ZBTB20: variants seen among roughly 807,000 people sequenced by gnomAD.
ZBTB20 encodes the protein zinc finger and BTB domain containing 20.
Under a neutral mutation model 56.9 loss-of-function variants are expected in ZBTB20, and 9 were observed. That is an observed-to-expected ratio of 0.16 (90% CI 0.10 to 0.28). The LOEUF is 0.28. Ranked by LOEUF, ZBTB20 falls within the 10% of genes least tolerant of loss-of-function variation. The pLI is 1.00. For synonymous variants in ZBTB20, 417 were observed against 420.7 expected (o/e 0.99, Z 0.11); for missense variants, 655 against 1,003.0 (o/e 0.65, Z 4.69).
chr3:114,464,506 C>T (rs755114325), intron 7 of ZBTB20, among the ~76,000 whole-genome samples: 6 of 152,236 alleles, frequency 3.9e-5, no homozygotes, highest in African/African-American at 1.2e-4. Context: ...CATAAAATTA[C>T]GTAAACATAA....
At chr3:115,137,499 C>T (rs140106715) in intron 1 of ZBTB20, among the ~76,000 whole-genome samples, 7 of 152,132 alleles carry the variant, frequency 4.6e-5, no homozygotes, top group East Asian at 1.9e-4. Context: ...GAGACTACTA[C>T]TCTGATAGAA....
At chr3:114,659,952 G>T (rs1180732668) in intron 6 of ZBTB20, among the ~76,000 whole-genome samples, 3 of 151,964 alleles carry the variant, frequency 2.0e-5, no homozygotes, top group South Asian at 2.1e-4. Flanking sequence ...AAAGGGAAAT[G>T]ATTCTCTTTG....
intron 7 of ZBTB20, among the ~76,000 whole-genome samples, chr3:114,475,029 C>T (rs1051093831): frequency 6.6e-6 from 1 of 152,198 alleles, no homozygotes; most frequent in South Asian, 2.1e-4. Context: ...GAATAAAGTC[C>T]AAATTCCTTG....
chr3:114,522,950 C>CT (rs1052922740), intron 6 of ZBTB20, among the ~76,000 whole-genome samples: 2 of 152,168 alleles, frequency 1.3e-5, no homozygotes, highest in African/African-American at 4.8e-5. Flanking sequence ...AAGGCCTGGA[C>CT]TAGAGATACA....
At chr3:114,539,017 C>T (rs1337838694) in intron 6 of ZBTB20, among the ~76,000 whole-genome samples, 1 of 152,050 alleles carries the variant, frequency 6.6e-6, no homozygotes, top group African/African-American at 2.4e-5. Flanking sequence ...GTTGTTGTAG[C>T]CATGGTAAAT....
chr3:115,063,523 T>A (rs934043965), intron 2 of ZBTB20, among the ~76,000 whole-genome samples: 5 of 152,148 alleles, frequency 3.3e-5, no homozygotes, highest in Non-Finnish European at 7.4e-5. Context: ...AAAGGCCCCA[T>A]GTACAAATGC....
rs143280477 is a variant in ZBTB20, at chr3:115,027,166, T to C, written c.-507+44053A>G. ...ACATGCTTGCAGATAAATCTTTGCA[T>C]ACGTCTCTGAATATTTCTACAAAAT... is the stretch of plus-strand genomic sequence containing the variant. On this transcript the variant is annotated intron_variant, in intron 2 of 11. Coordinates refer to ENST00000675478, the MANE Select transcript of ZBTB20 (RefSeq NM_001348800.3). Among the ~76,000 whole-genome samples the C allele has an allele frequency of 3.4e-3, 516 of 151,118 alleles. 2 individuals carry two copies. Among genetic ancestry groups the C allele is most frequent in the South Asian group, 0.012 (59 of 4,824 alleles).
rs571473955 is a variant in ZBTB20, at chr3:115,077,799, T to C, written c.-702-6385A>G. Among the ~76,000 whole-genome samples, 262 of 152,268 alleles carry C rather than the reference T, an allele frequency of 1.7e-3. 1 individual carries two copies. Among genetic ancestry groups the C allele is most frequent in the South Asian group, 6.6e-3 (32 of 4,826 alleles). ...CACTGTTGGTAGGAATGCAAAATGG[T>C]GAAGCACTATGGAAGATAGTCTGAA... On this transcript the variant is annotated intron_variant, in intron 1 of 11. Transcript: ENST00000675478.
chr3:114,377,366 A>G (rs1204372610), intron 10 of ZBTB20, among the ~76,000 whole-genome samples: 1 of 152,248 alleles, frequency 6.6e-6, no homozygotes, highest in Non-Finnish European at 1.5e-5. Flanking sequence ...AAAAGAAAGC[A>G]TATCTCAACT....
chr3:114,911,819 A>C (rs2075551322), intron 3 of ZBTB20, among the ~76,000 whole-genome samples: 1 of 151,964 alleles, frequency 6.6e-6, no homozygotes, highest in Non-Finnish European at 1.5e-5. Context: ...TTCCCAGAGA[A>C]GACAGACAGA....
At chr3:114,758,168 A>G (rs1374096385) in intron 5 of ZBTB20, among the ~76,000 whole-genome samples, 2 of 152,152 alleles carry the variant, frequency 1.3e-5, no homozygotes, top group East Asian at 3.8e-4. Context: ...TGTTGCTCAC[A>G]TAACCTAGCT....
chr3:114,609,553 A>T (rs1381216112), intron 6 of ZBTB20, among the ~76,000 whole-genome samples: 1 of 152,238 alleles, frequency 6.6e-6, no homozygotes, highest in African/African-American at 2.4e-5. Flanking sequence ...CTTTTTCCTC[A>T]TAAGGCATAT....
chr3:114,967,210 C>A (rs1009110264), intron 3 of ZBTB20, among the ~76,000 whole-genome samples: 3 of 151,894 alleles, frequency 2.0e-5, no homozygotes, highest in Non-Finnish European at 4.4e-5. Context: ...AATGAGAAAA[C>A]CTGTTCAGAA....
intron 4 of ZBTB20, among the ~76,000 whole-genome samples, chr3:114,886,165 G>A (rs12636242): frequency 6.6e-6 from 1 of 152,302 alleles, no homozygotes; most frequent in African/African-American, 2.4e-5. Flanking sequence ...CAACTTGGGA[G>A]AAATAGAAAA....
At chr3:114,488,082 G>C (rs2042334508) in intron 7 of ZBTB20, among the ~76,000 whole-genome samples, 1 of 152,168 alleles carries the variant, frequency 6.6e-6, no homozygotes. Context: ...GGCTGGTGAT[G>C]CCAAATAAAC....
intron 6 of ZBTB20, among the ~76,000 whole-genome samples, chr3:114,677,835 T>C (rs920483380): frequency 1.3e-5 from 2 of 152,166 alleles, no homozygotes; most frequent in Non-Finnish European, 2.9e-5. Context: ...ATCAAACTTC[T>C]TCCTCTCCCC....
At chr3:114,740,506 T>C (rs982102410) in intron 5 of ZBTB20, among the ~76,000 whole-genome samples, 8 of 152,224 alleles carry the variant, frequency 5.3e-5, no homozygotes, top group Admixed American at 6.5e-5. Context: ...AATGGCATTA[T>C]AGATCTTTCA....
intron 3 of ZBTB20, among the ~76,000 whole-genome samples, chr3:114,972,480 A>T (rs936153157): frequency 1.3e-5 from 2 of 152,174 alleles, no homozygotes; most frequent in Non-Finnish European, 2.9e-5. Flanking sequence ...AAGATGGAAA[A>T]ATACACGGGA....
At chr3:114,845,178 C>T (rs2074628890) in intron 4 of ZBTB20, among the ~76,000 whole-genome samples, 1 of 151,632 alleles carries the variant, frequency 6.6e-6, no homozygotes, top group Non-Finnish European at 1.5e-5. Flanking sequence ...ACTGATGGAT[C>T]CCAAGTGGCT....
Sources: allele counts gnomAD v4.1 joint callset (sites outside exome capture counted in the v4.1 genomes callset), GRCh38; gene constraint gnomAD v4.1.1; transcripts MANE v1.5; gene names NCBI Gene and HGNC (gene_info 2026-07-23, HGNC 2026-07-21).